The following EML5 variants were observed in gnomAD, a reference collection of about 807,000 sequenced individuals.
EML5 encodes EMAP like 5.
In EML5, 120 loss-of-function variants were observed where a neutral mutation model predicts 250.0. The observed-to-expected ratio is 0.48, with a 90% CI of 0.41 to 0.56. The LOEUF (loss-of-function observed/expected upper bound fraction) is 0.56. Among genes scored for constraint, EML5 ranks in the 20% least tolerant of loss-of-function variants. The probability of loss-of-function intolerance (pLI) is 0.00; values close to 1 mark genes in which losing one functional copy is unlikely to be tolerated. For synonymous variants in EML5, 771 were observed against 806.5 expected (o/e 0.96, Z 0.75); for missense variants, 2,006 against 2,437.6 (o/e 0.82, Z 3.73).
At chr14:88,735,488 A>T (rs1226964326) in intron 7 of EML5, among the ~76,000 whole-genome samples, 1 of 152,158 alleles carries the variant, frequency 6.6e-6, no homozygotes, top group Admixed American at 6.5e-5. Flanking sequence ...AGAAATACAT[A>T]TTTTCAAATA....
At chr14:88,737,814 G>C (rs930092477) in intron 6 of EML5, among the ~76,000 whole-genome samples, 2 of 152,110 alleles carry the variant, frequency 1.3e-5, no homozygotes, top group Non-Finnish European at 2.9e-5. Flanking sequence ...TGCTCAGCCA[G>C]TCTTATAACA....
rs58336894 is a variant in EML5 at position 88,726,472 on chromosome 14, A to T, written c.1187+69T>A. 2.0e-3 allele frequency: 2,778 copies of T among 1,357,924 alleles called. 60 individuals are homozygous for T. The African/African-American group carries it at 0.037, about 18-fold the overall frequency. The allele number at this position is 1,357,924 out of a possible 1,614,324, so 84.1% of individuals were successfully genotyped here. On this transcript the variant is annotated intron_variant, in intron 8 of 43. Coordinates refer to ENST00000554922, the MANE Select transcript of EML5 (RefSeq NM_183387.3). ...AGTATTATATATTCTGTATCGCTGAAGAGAAAATTACTTATATTCTGTATC... is the reference window on the plus strand; with the variant it reads ...AGTATTATATATTCTGTATCGCTGATGAGAAAATTACTTATATTCTGTATC...
chr14:88,694,159 A>G (rs2093024578), intron 17 of EML5, 148 bp downstream of exon 17: 2 of 616,522 alleles, frequency 3.2e-6, no homozygotes. Context: ...TGAACTCAAG[A>G]CTTCATTCAG....
At chr14:88,617,168 C>T (rs758399611) in intron 41 of EML5, 6 of 189,826 alleles carry the variant, frequency 3.2e-5, no homozygotes, top group South Asian at 1.2e-4. Context: ...TTTTTTGAGA[C>T]GGAGTTTTCG....
At chr14:88,742,691 A>G (rs1322019896) in intron 4 of EML5, among the ~76,000 whole-genome samples, 2 of 152,168 alleles carry the variant, frequency 1.3e-5, no homozygotes, top group Non-Finnish European at 2.9e-5. Flanking sequence ...AAGATGAACA[A>G]GACAAAAATA....
chr14:88,634,480 G>A lies in EML5; in HGVS notation c.4346C>T (p.Ala1449Val), dbSNP rs1595298281. The A allele has an allele frequency of 1.4e-6, 2 of 1,469,950 alleles. No individual in the cohort carries two copies. Among genetic ancestry groups the A allele is most frequent in the South Asian group, 1.4e-5 (1 of 70,426 alleles). The allele number at this position is 1,469,950 out of a possible 1,614,324, so 91.1% of individuals were successfully genotyped here. Residue 1449 changes from alanine to valine, a missense_variant, in exon 33 of 44, where the codon GCA becomes GTA. Coordinates refer to ENST00000554922, the MANE Select transcript of EML5 (RefSeq NM_183387.3). ...TTAGTTTTCCTTACCTGACATGTCT[G>A]CTGAATCACCTATAATGGAAAATAA... is the stretch of plus-strand genomic sequence containing the variant. The part of the protein sequence containing the change: ...IVATGQVGDS[A>V]DMSATAPSIH...
intron 21 of EML5, among the ~76,000 whole-genome samples, chr14:88,671,220 G>A (rs756601775): frequency 6.6e-6 from 1 of 152,202 alleles, no homozygotes. Flanking sequence ...CTCAGCAGAA[G>A]CCCTACAAGT....
chr14:88,768,895 A>C (rs529335305), intron 1 of EML5, among the ~76,000 whole-genome samples: 11 of 152,170 alleles, frequency 7.2e-5, no homozygotes, highest in Admixed American at 1.3e-4. Flanking sequence ...TAAATGTTTT[A>C]CGCTCTGTGG....
intron 2 of EML5, among the ~76,000 whole-genome samples, chr14:88,752,838 T>A (rs1226258903): frequency 6.6e-6 from 1 of 152,130 alleles, no homozygotes; most frequent in Non-Finnish European, 1.5e-5. Flanking sequence ...AGAAGAGAAG[T>A]GTCTGCATAT....
Position 88,704,932 on chromosome 14 carries a change from T to C in EML5, c.1979A>G (p.Lys660Arg), listed in dbSNP as rs578189762. 5.0e-6 allele frequency: 8 copies of C among 1,613,248 alleles called. No individual in the cohort carries two copies. The South Asian group carries it at 5.5e-5, about 11-fold the overall frequency. Residue 660 changes from lysine (K) to arginine (R), a missense_variant, in exon 13 of 44, where the codon AAA becomes AGA. By Grantham distance (26) the Lys-to-Arg change is conservative. Around this residue, in one of 7 missense-constraint regions of EML5, gnomAD observed 1,375 missense variants for 1,590.3 expected, o/e 0.86. Coordinates refer to ENST00000554922, the MANE Select transcript of EML5 (RefSeq NM_183387.3). ...TCTTTTAGAAGTAGCACTTTTTTGT[T>C]TCTCTTTGCACTGTTCTTTAAGCTG... is the stretch of plus-strand genomic sequence containing the variant. ...LPQLKEQCKE[K>R]QKSATSKRRE...
At chr14:88,752,928 G>C (rs572542511) in intron 2 of EML5, among the ~76,000 whole-genome samples, 1 of 152,220 alleles carries the variant, frequency 6.6e-6, no homozygotes, top group East Asian at 1.9e-4. Flanking sequence ...ATACCACTTA[G>C]AGCCACTTCC....
At chr14:88,630,023 A>ATTTTTTTTTTTTTTTTTTTTTTTTTT (rs58382081) in intron 33 of EML5, among the ~76,000 whole-genome samples, 3 of 84,248 alleles carry the variant, frequency 3.6e-5, no homozygotes, top group Non-Finnish European at 4.4e-5. Context: ...TAAAAACTGT[A>ATTTTTTTTTTTTTTTTTTTTTTTTTT]TTTTTTTTTT....
rs754145545 is a variant in EML5, at chr14:88,726,619, C to T, written c.1109G>A (p.Arg370His). 3 of 1,581,386 alleles carry T rather than the reference C, an allele frequency of 1.9e-6. No homozygotes were observed. Among genetic ancestry groups the T allele is most frequent in the Non-Finnish European group, 2.6e-6 (3 of 1,162,110 alleles). The stretch of plus-strand genomic sequence containing the variant: ...TCCATCTGCATTGACAGCTGCACAA[C>T]GAATTGGTTCTTCCATATTACACCT... Reference protein sequence around the residue: ...IARCNMEEPIRCAAVNADGIH... With the variant: ...IARCNMEEPIHCAAVNADGIH... Residue 370 changes from arginine (R) to histidine (H), a missense_variant, in exon 8 of 44, where the codon CGT becomes CAT. Physicochemically the swap from Arg to His is conservative, Grantham distance 29 (BLOSUM62 0). This residue lies in a region of EML5 where 1,375 missense variants were observed against 1,590.3 expected (regional missense o/e 0.86). Transcript: ENST00000554922.
chr14:88,754,383 C>T (rs527305364), intron 2 of EML5, 129 bp downstream of exon 2: 1 of 793,098 alleles, frequency 1.3e-6, no homozygotes, highest in Non-Finnish European at 1.8e-6. Context: ...TCCCACCCCA[C>T]CTACCCACCT....
chr14:88,706,330 T>C lies in EML5; in HGVS notation c.1754A>G (p.Asp585Gly). 1 of 1,610,746 alleles carries C rather than the reference T, an allele frequency of 6.2e-7. No homozygotes were observed. The highest frequency in any genetic ancestry group is 8.5e-7 in the Non-Finnish European group (1 of 1,178,458). The change falls in exon 11 of 44, where the codon GAT becomes GGT. Residue 585 changes from aspartate (D) to glycine (G), a missense_variant. Physicochemically the swap from Asp to Gly is moderately conservative, Grantham distance 94. Transcript: ENST00000554922. ...AAATTTCCACTGAAAGACAGAGTGA[T>C]CTGCTCCACCAATAGAAATAACCCA... is the stretch of plus-strand genomic sequence containing the variant. ...YQWVISIGGA[D>G]HSVFQWKFIP...
intron 12 of EML5, among the ~76,000 whole-genome samples, chr14:88,705,209 T>C (rs539372380): frequency 1.3e-5 from 2 of 152,210 alleles, no homozygotes; most frequent in East Asian, 3.9e-4. Flanking sequence ...TTTTTATACT[T>C]CATAAAAGAA....
intron 21 of EML5, among the ~76,000 whole-genome samples, chr14:88,674,728 T>C (rs111478925): frequency 0.058 from 8,856 of 152,220 alleles, 693 homozygotes; most frequent in African/African-American, 0.17. Flanking sequence ...AACTCAAAAG[T>C]CCACAGTCTA....
chr14:88,660,588 A>G (rs2092053535), intron 25 of EML5, among the ~76,000 whole-genome samples: 1 of 151,516 alleles, frequency 6.6e-6, no homozygotes. Context: ...TAAAAATACA[A>G]AAAAATTAGC....
intron 21 of EML5, among the ~76,000 whole-genome samples, chr14:88,670,288 C>G (rs1181144764): frequency 6.9e-6 from 1 of 145,476 alleles, no homozygotes; most frequent in Non-Finnish European, 1.5e-5. Context: ...CCACTGCACT[C>G]CAGCCTGGGT....
Sources: allele counts gnomAD v4.1 joint callset (sites outside exome capture counted in the v4.1 genomes callset), GRCh38; gene constraint gnomAD v4.1.1; regional missense constraint gnomAD v4.1.1; transcripts MANE v1.5; gene names NCBI Gene and HGNC (gene_info 2026-07-23, HGNC 2026-07-21).